The following SCN9A variants were observed in gnomAD, a reference collection of about 807,000 sequenced individuals.
SCN9A encodes the protein sodium channel protein type 9 subunit alpha.
SCN9A carries 131 observed loss-of-function variants against 187.0 expected under a neutral mutation model. The ratio of observed to expected loss-of-function variants is 0.70; its 90% confidence interval spans 0.61 to 0.81. The LOEUF (loss-of-function observed/expected upper bound fraction) is 0.81. SCN9A is among the 30% of genes least tolerant of loss of function. SCN9A has a pLI of 0.00. For synonymous variants in SCN9A, 809 were observed against 808.6 expected, an observed-to-expected ratio of 1.00 and a Z score of -0.01; for missense variants, 2,252 against 2,396.6, an observed-to-expected ratio of 0.94 and a Z score of 1.26.
intron 1 of SCN9A, among the ~76,000 whole-genome samples, chr2:166,331,964 T>C (rs1349473775): frequency 6.6e-6 from 1 of 152,118 alleles, no homozygotes; most frequent in Non-Finnish European, 1.5e-5. Context: ...GTATTTCCCA[T>C]TGTGTGTAGT....
At position 166,199,737 on chromosome 2, in the gene SCN9A, G is replaced by C; in HGVS notation, c.4902C>G (p.Leu1634=). 1 of 1,614,094 alleles carries C rather than the reference G, an allele frequency of 6.2e-7. No individual in the cohort carries two copies. Among genetic ancestry groups the C allele is most frequent in the Non-Finnish European group, 8.5e-7 (1 of 1,180,034 alleles). ...CAGGAAGGGACATCATCAAAGCAAA[G>C]AGCAGCGTGCGGATCCCCTTTGCTC... The part of the protein sequence containing the change: ...VKGAKGIRTL[L]FALMMSLPAL... Residue 1634 remains leucine (L), a synonymous_variant, in exon 27 of 27, where the codon CTC becomes CTG. Coordinates refer to ENST00000642356, the MANE Select transcript of SCN9A (RefSeq NM_001365536.1).
intron 7 of SCN9A, 105 bp from the exon 8 acceptor site, chr2:166,294,767 C>T: frequency 1.5e-6 from 1 of 675,512 alleles, no homozygotes; most frequent in Non-Finnish European, 2.4e-6. Context: ...CAAATTCAGG[C>T]CTGGTCCCAG....
chr2:166,365,392 C>T (rs1001848899), intron 1 of SCN9A, among the ~76,000 whole-genome samples: 10 of 151,846 alleles, frequency 6.6e-5, no homozygotes, highest in Non-Finnish European at 4.4e-5. Flanking sequence ...TTTATGTTAC[C>T]CATGTCCAGA....
At chr2:166,273,494 T>G (rs1315362096) in intron 16 of SCN9A, among the ~76,000 whole-genome samples, 1 of 152,166 alleles carries the variant, frequency 6.6e-6, no homozygotes, top group African/African-American at 2.4e-5. Context: ...CTGATTCACA[T>G]GCAATAATGG....
chr2:166,336,328 C>T (rs748064481), intron 1 of SCN9A, among the ~76,000 whole-genome samples: 1 of 152,074 alleles, frequency 6.6e-6, no homozygotes, highest in Non-Finnish European at 1.5e-5. Flanking sequence ...AGCTAAGATA[C>T]AGGAAATTTA....
Position 166,226,675 on chromosome 2 carries a change from G to A in SCN9A, c.4290C>T (p.Ser1430=). ...CGACAAAATAAATATACATGTAGAG[G>A]CTATATTCATATTTGGGCTGCTTGT... ...NVDKQPKYEY[S]LYMYIYFVVF... is the part of the protein sequence containing the mutation. Residue 1430 remains serine (S), a synonymous_variant, in exon 24 of 27, where the codon AGC becomes AGT. Coordinates refer to ENST00000642356, the MANE Select transcript of SCN9A (RefSeq NM_001365536.1). 6.3e-7 allele frequency: 1 copy of A among 1,577,324 alleles called. No individual in the cohort carries two copies. Among genetic ancestry groups the A allele is most frequent in the African/African-American group, 1.4e-5 (1 of 73,810 alleles).
chr2:166,251,618 G>T, intron 18 of SCN9A, 147 bp downstream of exon 18: 1 of 762,388 alleles, frequency 1.3e-6, no homozygotes, highest in Non-Finnish European at 2.1e-6. Flanking sequence ...CTAGTGACTT[G>T]CCCTTAATCA....
At chr2:166,297,196 C>CAAAAAAAAAAAAAAATAAAAA (rs1698347217) in intron 7 of SCN9A, among the ~76,000 whole-genome samples, 1 of 32,892 alleles carries the variant, frequency 3.0e-5, no homozygotes, top group Non-Finnish European at 5.8e-5. Flanking sequence ...GACTCCATCT[C>CAAAAAAAAAAAAAAATAAAAA]AAAAAAAAAA....
intron 1 of SCN9A, among the ~76,000 whole-genome samples, chr2:166,367,580 A>G (rs568290255): frequency 6.6e-6 from 1 of 152,226 alleles, no homozygotes; most frequent in Admixed American, 6.5e-5. Context: ...TAGACATTTT[A>G]TACATATTTC....
At chr2:166,343,925 G>A (rs1699844430) in intron 1 of SCN9A, among the ~76,000 whole-genome samples, 1 of 152,224 alleles carries the variant, frequency 6.6e-6, no homozygotes, top group Non-Finnish European at 1.5e-5. Flanking sequence ...ATAATGTAAA[G>A]TGAGTAGAGG....
At chr2:166,231,591 C>G (rs113022673) in intron 21 of SCN9A, among the ~76,000 whole-genome samples, 6,322 of 117,560 alleles carry the variant, frequency 0.054, 521 homozygotes, top group African/African-American at 0.19. Context: ...TTGCTCTGTT[C>G]CCCAGGCTGG....
At chr2:166,218,130 C>G (rs1044319475) in intron 24 of SCN9A, among the ~76,000 whole-genome samples, 1 of 151,742 alleles carries the variant, frequency 6.6e-6, no homozygotes, top group Non-Finnish European at 1.5e-5. Context: ...CAGTGCACTA[C>G]TATACAAAAC....
At chr2:166,350,937 C>A (rs566793485) in intron 1 of SCN9A, among the ~76,000 whole-genome samples, 1 of 152,046 alleles carries the variant, frequency 6.6e-6, no homozygotes, top group African/African-American at 2.4e-5. Context: ...GCTATTTTGA[C>A]GGTGACTTTT....
intron 17 of SCN9A, 64 bp from the exon 18 acceptor site, chr2:166,251,949 A>C: frequency 6.4e-7 from 1 of 1,565,148 alleles, no homozygotes; most frequent in Admixed American, 1.7e-5. Context: ...ATGATATTTA[A>C]GCCTTATTTA....
At chr2:166,210,030 C>G (rs1382047713) in intron 24 of SCN9A, among the ~76,000 whole-genome samples, 2 of 152,136 alleles carry the variant, frequency 1.3e-5, no homozygotes, top group African/African-American at 4.8e-5. Context: ...CGGCACTATT[C>G]ACAATAGCAA....
chr2:166,311,132 G>A (rs1698928493), intron 2 of SCN9A, among the ~76,000 whole-genome samples: 1 of 109,686 alleles, frequency 9.1e-6, no homozygotes, highest in South Asian at 3.1e-4. Context: ...AGCATTGGGA[G>A]ATATACCTAA....
At chr2:166,359,199 T>G (rs937636869) in intron 1 of SCN9A, among the ~76,000 whole-genome samples, 14 of 152,186 alleles carry the variant, frequency 9.2e-5, no homozygotes, top group Non-Finnish European at 4.4e-5. Context: ...CTCTTTTATG[T>G]GTGTACAATT....
At chr2:166,283,336 TTCAAATTGA>T (rs1697579477) in intron 12 of SCN9A, among the ~76,000 whole-genome samples, 1 of 152,196 alleles carries the variant, frequency 6.6e-6, no homozygotes, top group Non-Finnish European at 1.5e-5. Flanking sequence ...CATGCATTTA[TTCAAATTGA>T]AATATATGTG....
In SCN9A at chr2:166,339,417, T is replaced by G. The variant is rs572656276; in HGVS notation, c.-50-27611A>C. Reference sequence around the variant, plus strand: ...GGAATTTCTAAATTTTTAATTTAGATCTTACTTTAAGATATGAAAAAATAG... The same window carrying G: ...GGAATTTCTAAATTTTTAATTTAGAGCTTACTTTAAGATATGAAAAAATAG... On this transcript the variant is annotated intron_variant, in intron 1 of 26. Coordinates refer to ENST00000642356, the MANE Select transcript of SCN9A (RefSeq NM_001365536.1). Among the ~76,000 whole-genome samples, 5 of 152,254 alleles carry G rather than the reference T, an allele frequency of 3.3e-5. No homozygotes were observed. The South Asian group carries it at 1.0e-3, about 32-fold the overall frequency.
Sources: allele counts gnomAD v4.1 joint callset (sites outside exome capture counted in the v4.1 genomes callset), GRCh38; gene constraint gnomAD v4.1.1; transcripts MANE v1.5; gene names NCBI Gene and HGNC (gene_info 2026-07-23, HGNC 2026-07-21).